The following RCOR1 variants were observed in gnomAD, a reference collection of about 807,000 sequenced individuals.
RCOR1 encodes the protein REST corepressor.
RCOR1 carries 12 observed loss-of-function variants against 64.0 expected under a neutral mutation model. The observed-to-expected ratio is 0.19, with a 90% CI of 0.12 to 0.30. RCOR1 has a LOEUF of 0.30. Among genes scored for constraint, RCOR1 ranks in the 10% least tolerant of loss-of-function variants. The probability of loss-of-function intolerance (pLI) is 1.00; values close to 1 mark genes in which losing one functional copy is unlikely to be tolerated. For missense variants in RCOR1, 502 were observed against 621.2 expected (o/e 0.81, Z 2.04); for synonymous variants, 279 against 227.2 (o/e 1.23, Z -2.05).
At chr14:102,649,712 A>C in intron 2 of RCOR1, 5 of 798,096 alleles carry the variant, frequency 6.3e-6, no homozygotes, top group Non-Finnish European at 7.6e-6. Context: ...TCCTAGTTGC[A>C]TGGCTTGTAA....
intron 2 of RCOR1, among the ~76,000 whole-genome samples, chr14:102,624,165 C>A (rs1595199453): frequency 6.6e-6 from 1 of 151,972 alleles, no homozygotes; most frequent in East Asian, 1.9e-4. Context: ...CACTGCACTC[C>A]AGCCTGGGCG....
At chr14:102,641,984 C>A (rs973229090) in intron 2 of RCOR1, among the ~76,000 whole-genome samples, 1 of 152,132 alleles carries the variant, frequency 6.6e-6, no homozygotes, top group Non-Finnish European at 1.5e-5. Context: ...AAAAAACTTG[C>A]ATCATTTCTG....
At chr14:102,627,791 T>C (rs1595201091) in intron 2 of RCOR1, among the ~76,000 whole-genome samples, 1 of 152,058 alleles carries the variant, frequency 6.6e-6, no homozygotes, top group Non-Finnish European at 1.5e-5. Flanking sequence ...TCCTCTAGAG[T>C]TGCTCTTGAG....
In RCOR1 at chr14:102,722,248, G is replaced by A. The variant is rs763667296; in HGVS notation, c.1251G>A (p.Val417=). 6.2e-7 allele frequency: 1 copy of A among 1,614,160 alleles called. No individual in the cohort carries two copies. Among genetic ancestry groups the A allele is most frequent in the East Asian group, 2.2e-5 (1 of 44,886 alleles). ...AISDVIGNKS[V]VQVKNFFVNY... is the part of the protein sequence containing the mutation. The stretch of plus-strand genomic sequence containing the variant: ...CAGACGTGATTGGGAACAAATCAGT[G>A]GTACAAGTGAAAAACTTTTTTGTAA... Residue 417 remains valine (V), a synonymous_variant, in exon 11 of 12, where the codon GTG becomes GTA. Coordinates refer to ENST00000262241, the MANE Select transcript of RCOR1 (RefSeq NM_015156.4).
At chr14:102,676,823 A>C (rs1294085875) in intron 2 of RCOR1, among the ~76,000 whole-genome samples, 22 of 47,230 alleles carry the variant, frequency 4.7e-4, no homozygotes, top group Admixed American at 6.2e-4. Context: ...GGCGCCCCTC[A>C]CCTCCCGGAC....
intron 3 of RCOR1, among the ~76,000 whole-genome samples, chr14:102,694,397 T>C (rs1170642364): frequency 6.6e-6 from 1 of 152,124 alleles, no homozygotes; most frequent in Non-Finnish European, 1.5e-5. Flanking sequence ...GCTGGGACTA[T>C]AGGCACCCGC....
chr14:102,704,160 C>T (rs1471821738), intron 4 of RCOR1, among the ~76,000 whole-genome samples: 1 of 152,150 alleles, frequency 6.6e-6, no homozygotes, highest in Non-Finnish European at 1.5e-5. Flanking sequence ...GCTGTCATGA[C>T]CAAAGAGGAG....
intron 2 of RCOR1, among the ~76,000 whole-genome samples, chr14:102,596,080 A>G (rs1383154946): frequency 1.3e-5 from 2 of 151,452 alleles, no homozygotes; most frequent in East Asian, 1.9e-4. Flanking sequence ...GAAGGCTTCC[A>G]TTTTGGAATA....
chr14:102,638,888 C>T (rs1894300294), intron 2 of RCOR1, among the ~76,000 whole-genome samples: 1 of 152,220 alleles, frequency 6.6e-6, no homozygotes, highest in Non-Finnish European at 1.5e-5. Flanking sequence ...ATCTCTAACT[C>T]CTGATGTCAG....
chr14:102,671,602 C>T (rs1475990722), intron 2 of RCOR1, among the ~76,000 whole-genome samples: 4 of 152,258 alleles, frequency 2.6e-5, no homozygotes, highest in African/African-American at 9.6e-5. Flanking sequence ...ACTGTGTTGC[C>T]CAGGCTGGCC....
chr14:102,653,987 T>TTTTCTTTCTTTCTTTCTTTC (rs1894665245), intron 2 of RCOR1, among the ~76,000 whole-genome samples: 1 of 94,940 alleles, frequency 1.1e-5, no homozygotes. Flanking sequence ...TTCTTTCTTT[T>TTTTCTTTCTTTCTTTCTTTC]TTTTTTTTTT....
intron 11 of RCOR1, among the ~76,000 whole-genome samples, chr14:102,724,579 C>T (rs1896225966): frequency 2.0e-5 from 3 of 152,280 alleles, no homozygotes; most frequent in East Asian, 1.9e-4. Flanking sequence ...GTGATCCGCT[C>T]GCCTCTGCCT....
intron 2 of RCOR1, among the ~76,000 whole-genome samples, chr14:102,622,511 ACT>A (rs1893895067): frequency 6.6e-6 from 1 of 151,350 alleles, no homozygotes; most frequent in African/African-American, 2.4e-5. Flanking sequence ...CTTTTCATGG[ACT>A]CTGCATTTTC....
intron 2 of RCOR1, among the ~76,000 whole-genome samples, chr14:102,648,870 G>A (rs1412952348): frequency 6.6e-6 from 1 of 152,162 alleles, no homozygotes; most frequent in Non-Finnish European, 1.5e-5. Flanking sequence ...AATTCTTAAA[G>A]AGAAATCTTG....
chr14:102,682,696 A>C (rs1047588740), intron 3 of RCOR1, among the ~76,000 whole-genome samples: 1 of 152,144 alleles, frequency 6.6e-6, no homozygotes, highest in African/African-American at 2.4e-5. Context: ...GTCCATCTTA[A>C]ATTGTACTCA....
Position 102,681,875 on chromosome 14 carries a change from T to C in RCOR1, c.362-20T>C. ...ATGTGTTAAATTTTAATAAGAATTTTCTTTTTTCTTTCTCCCAAGCCAAAC... is the reference window on the plus strand; with the variant it reads ...ATGTGTTAAATTTTAATAAGAATTTCCTTTTTTCTTTCTCCCAAGCCAAAC... On this transcript the variant is annotated intron_variant, in intron 2 of 11. Transcript: ENST00000262241. The C allele has an allele frequency of 6.3e-7, 1 of 1,578,706 alleles. No individual in the cohort carries two copies. The highest frequency in any genetic ancestry group is 8.7e-7 in the Non-Finnish European group (1 of 1,150,014).
At chr14:102,603,445 C>T (rs2139882304) in intron 2 of RCOR1, among the ~76,000 whole-genome samples, 1 of 152,038 alleles carries the variant, frequency 6.6e-6, no homozygotes, top group South Asian at 2.1e-4. Context: ...CCACCTTGGC[C>T]TCCGGAGTAG....
chr14:102,667,649 AACT>A (rs1206834173), intron 2 of RCOR1, among the ~76,000 whole-genome samples: 15 of 152,166 alleles, frequency 9.9e-5, no homozygotes, highest in Non-Finnish European at 1.6e-4. Context: ...TGAAGTTGGA[AACT>A]GAAGGTCAGT....
chr14:102,626,415 G>T (rs1460058294), intron 2 of RCOR1, among the ~76,000 whole-genome samples: 1 of 152,198 alleles, frequency 6.6e-6, no homozygotes, highest in Non-Finnish European at 1.5e-5. Context: ...GCAGGCTACA[G>T]CATCATAAGA....
Sources: allele counts gnomAD v4.1 joint callset (sites outside exome capture counted in the v4.1 genomes callset), GRCh38; gene constraint gnomAD v4.1.1; transcripts MANE v1.5; gene names NCBI Gene and HGNC (gene_info 2026-07-23, HGNC 2026-07-21).